The following SEC61G variants were observed in gnomAD, a reference collection of about 807,000 sequenced individuals.
SEC61G encodes SEC61 translocon subunit gamma.
A neutral mutation model predicts 7.5 loss-of-function variants in SEC61G; 4 were observed. The ratio of observed to expected loss-of-function variants is 0.54; its 90% confidence interval spans 0.26 to 1.22. SEC61G has a LOEUF of 1.22. Among genes scored for constraint, SEC61G ranks in the 50% most tolerant of loss-of-function variants. SEC61G has a pLI of 0.12. For synonymous variants in SEC61G, 24 were observed against 24.4 expected, an observed-to-expected ratio of 0.98 and a Z score of 0.05; for missense variants, 53 against 84.6, an observed-to-expected ratio of 0.63 and a Z score of 1.46.
At chr7:54,758,698 T>C (rs1271406347) in intron 1 of SEC61G, among the ~76,000 whole-genome samples, 2 of 152,118 alleles carry the variant, frequency 1.3e-5, no homozygotes, top group Admixed American at 6.5e-5. Flanking sequence ...ATGTCAGGGG[T>C]AGAGATCCAA....
intron 3 of SEC61G, among the ~76,000 whole-genome samples, chr7:54,754,208 G>T (rs946666509): frequency 2.0e-5 from 3 of 152,200 alleles, no homozygotes; most frequent in African/African-American, 7.2e-5. Context: ...ATTGGAAAAG[G>T]TGGGCTTACG....
At chr7:54,752,529 T>C (rs1191899495) in intron 3 of SEC61G, 109 bp from the exon 4 acceptor site, 2 of 575,042 alleles carry the variant, frequency 3.5e-6, no homozygotes, top group Admixed American at 3.6e-5. Context: ...ACCAATTATG[T>C]GAATCCCACC....
intron 3 of SEC61G, 45 bp downstream of exon 3, chr7:54,755,734 T>C: frequency 8.9e-7 from 1 of 1,125,932 alleles, no homozygotes; most frequent in Non-Finnish European, 1.3e-6. Flanking sequence ...CTCAAATGGT[T>C]TTGAGTTTCA....
At chr7:54,755,601 T>C (rs1791497366) in intron 3 of SEC61G, 178 bp downstream of exon 3, 1 of 398,592 alleles carries the variant, frequency 2.5e-6, no homozygotes. Context: ...ACAGAATTTC[T>C]GGACAGATCA....
chr7:54,753,299 A>C (rs1489308677), intron 3 of SEC61G, among the ~76,000 whole-genome samples: 1 of 152,136 alleles, frequency 6.6e-6, no homozygotes, highest in Non-Finnish European at 1.5e-5. Flanking sequence ...TCTCAAAAAA[A>C]AGAGAAAATT....
chr7:54,755,986 C>A, intron 2 of SEC61G, 105 bp from the exon 3 acceptor site: 1 of 466,580 alleles, frequency 2.1e-6, no homozygotes, highest in Non-Finnish European at 3.8e-6. Flanking sequence ...TACATTTCTC[C>A]TGTTAATAGA....
intron 2 of SEC61G, among the ~76,000 whole-genome samples, chr7:54,756,190 A>G (rs369317907): frequency 1.6e-3 from 244 of 152,360 alleles, no homozygotes; most frequent in African/African-American, 5.7e-3. Context: ...AAACAAAAAA[A>G]GGTCATGGAT....
At chr7:54,757,448 T>C in intron 2 of SEC61G, 47 bp downstream of exon 2, 1 of 1,478,188 alleles carries the variant, frequency 6.8e-7, no homozygotes, top group Non-Finnish European at 9.5e-7. Flanking sequence ...ACAAAAGGCT[T>C]AGAAAATGCA....
In SEC61G at chr7:54,755,884, G is replaced by A; in HGVS notation, c.95-3C>T. 6.4e-7 allele frequency: 1 copy of A among 1,556,818 alleles called. No homozygotes were observed. The highest frequency in any genetic ancestry group is 8.7e-7 in the Non-Finnish European group (1 of 1,146,006). ...TGCCATGGCAATCTTCTGGAATTCT[G>A]CATTTAAAAACAGGAAATTCACATA... is the stretch of plus-strand genomic sequence containing the variant. On this transcript the variant is annotated splice_region_variant and splice_polypyrimidine_tract_variant and intron_variant, in intron 2 of 3. Coordinates refer to ENST00000352861, the MANE Select transcript of SEC61G (RefSeq NM_014302.4).
chr7:54,756,610 G>A (rs968340332), intron 2 of SEC61G, among the ~76,000 whole-genome samples: 5 of 152,266 alleles, frequency 3.3e-5, no homozygotes, highest in Admixed American at 2.0e-4. Flanking sequence ...CCGAGATCGC[G>A]TCACTGCACT....
In SEC61G at chr7:54,752,253, T is replaced by C. The variant is rs1791428141; in HGVS notation, c.*158A>G. 1 of 490,162 alleles carries C rather than the reference T, an allele frequency of 2.0e-6. No homozygotes were observed. The highest frequency in any genetic ancestry group is 3.7e-6 in the Non-Finnish European group (1 of 271,466). The allele number at this position is 490,162 out of a possible 1,614,324, so 30.4% of individuals were successfully genotyped here. A position where few individuals can be genotyped will look rare whatever the true frequency, so the allele number is the denominator to read the frequency against. On this transcript the variant is annotated 3_prime_UTR_variant, in exon 4 of 4. Transcript: ENST00000352861. ...CTATGACAGAAAAAAGAGATATTCA[T>C]TTACTTTGAAATTACTTTAATTTAG...
chr7:54,755,699 T>C (rs1791499587), intron 3 of SEC61G, 80 bp downstream of exon 3: 2 of 729,454 alleles, frequency 2.7e-6, no homozygotes, highest in South Asian at 2.1e-5. Context: ...TGCATCTCTA[T>C]ATTAACGAAA....
intron 3 of SEC61G, among the ~76,000 whole-genome samples, chr7:54,752,729 A>G (rs1174581297): frequency 6.6e-6 from 1 of 152,178 alleles, no homozygotes; most frequent in East Asian, 1.9e-4. Flanking sequence ...ACATGACAGG[A>G]TGGTTAGTTG....
In SEC61G at chr7:54,758,464, T is replaced by G. The variant is rs1157892351; in HGVS notation, c.-7+694A>C. ...CCTCTGTAAGCCCCAGTTGCCTTCC[T>G]TAGTGTAGGGTGTGGACAACGAAAT... On this transcript the variant is annotated intron_variant, in intron 1 of 3. Transcript: ENST00000352861. 2.0e-5 allele frequency among the ~76,000 whole-genome samples: 3 copies of G among 152,202 alleles called. No individual in the cohort carries two copies. The East Asian group carries it at 5.8e-4, about 29-fold the overall frequency.
At chr7:54,756,946 AC>A (rs1261427150) in intron 2 of SEC61G, among the ~76,000 whole-genome samples, 1 of 147,492 alleles carries the variant, frequency 6.8e-6, no homozygotes, top group Non-Finnish European at 1.5e-5. Context: ...TATATACTAT[AC>A]TATATATATA....
At chr7:54,756,755 A>G (rs1023699906) in intron 2 of SEC61G, among the ~76,000 whole-genome samples, 2 of 152,022 alleles carry the variant, frequency 1.3e-5, no homozygotes, top group African/African-American at 4.8e-5. Context: ...TAGTCCTCCT[A>G]TTATGTGCTG....
In SEC61G at chr7:54,752,328, G is replaced by A; in HGVS notation, c.*83C>T. 3 of 901,308 alleles carry A rather than the reference G, an allele frequency of 3.3e-6. No homozygotes were observed. Among genetic ancestry groups the A allele is most frequent in the Non-Finnish European group, 5.0e-6 (3 of 602,822 alleles). 55.8% of individuals were successfully genotyped at this position (901,308 alleles called of 1,614,324 possible). On this transcript the variant is annotated 3_prime_UTR_variant, in exon 4 of 4. Coordinates refer to ENST00000352861, the MANE Select transcript of SEC61G (RefSeq NM_014302.4). ...AAAAAAAAACCCACAAAACATACAG[G>A]CAAATTTGTATTCTGTGAGTTTCTC...
chr7:54,752,921 T>A (rs912247348), intron 3 of SEC61G, among the ~76,000 whole-genome samples: 2 of 152,234 alleles, frequency 1.3e-5, no homozygotes, highest in Non-Finnish European at 1.5e-5. Flanking sequence ...TTTAAAAGCA[T>A]AAACATTAAA....
At chr7:54,755,410 T>G (rs895054076) in intron 3 of SEC61G, 4 of 157,040 alleles carry the variant, frequency 2.5e-5, no homozygotes, top group Non-Finnish European at 5.6e-5. Flanking sequence ...GGTCCAGAGT[T>G]AGAATTCTAT....
Sources: allele counts gnomAD v4.1 joint callset (sites outside exome capture counted in the v4.1 genomes callset), GRCh38; gene constraint gnomAD v4.1.1; transcripts MANE v1.5; gene names NCBI Gene and HGNC (gene_info 2026-07-23, HGNC 2026-07-21).